TTK: variants seen among roughly 807,000 people sequenced by gnomAD.
TTK encodes dual specificity protein kinase TTK.
In TTK, 59 loss-of-function variants were observed where a neutral mutation model predicts 117.3. The observed-to-expected ratio is 0.50, with a 90% confidence interval of 0.41 to 0.62. The LOEUF is 0.62. TTK is among the 20% of genes least tolerant of loss of function. TTK has a pLI of 0.00. For synonymous variants in TTK, 302 were observed against 325.0 expected (o/e 0.93, Z 0.76); for missense variants, 921 against 989.4 (o/e 0.93, Z 0.93).
chr6:80,005,754 T>C, intron 1 of TTK, 88 bp from the exon 2 acceptor site: 3 of 1,466,232 alleles, frequency 2.0e-6, no homozygotes, highest in Non-Finnish European at 2.8e-6. Flanking sequence ...AACGAATGCT[T>C]TAGTCGTCTG....
chr6:80,030,321 G>A (rs570243170), intron 13 of TTK, among the ~76,000 whole-genome samples: 45 of 152,294 alleles, frequency 3.0e-4, no homozygotes, highest in African/African-American at 1.0e-3. Flanking sequence ...ATAAGGGAAG[G>A]AATGATGGGG....
At chr6:80,041,787 T>G (rs1768054629) in intron 21 of TTK, among the ~76,000 whole-genome samples, 1 of 151,362 alleles carries the variant, frequency 6.6e-6, no homozygotes, top group Non-Finnish European at 1.5e-5. Flanking sequence ...ATAAATATAT[T>G]TTGTATAGGA....
At chr6:80,008,277 C>A in intron 3 of TTK, 109 bp from the exon 4 acceptor site, 1 of 1,137,076 alleles carries the variant, frequency 8.8e-7, no homozygotes, top group South Asian at 1.5e-5. Context: ...TAATTTTACC[C>A]ACAGAAAAAA....
chr6:80,013,328 C>A lies in TTK; in HGVS notation c.946C>A (p.Pro316Thr). ...CRDLVVPGSK[P>T]SGNDSCELRN... ...AGATTTGGTTGTGCCTGGATCTAAACCAAGTGGAAATGATTCCTGTGAATT... is the reference window on the plus strand; with the variant it reads ...AGATTTGGTTGTGCCTGGATCTAAAACAAGTGGAAATGATTCCTGTGAATT... The change falls in exon 9 of 22, where the codon CCA (proline) becomes ACA (threonine). Residue 316 changes from proline to threonine, a missense_variant. Pro to Thr is a conservative substitution (Grantham distance 38). Transcript: ENST00000369798. 1.2e-6 allele frequency: 2 copies of A among 1,601,768 alleles called. No homozygotes were observed. The highest frequency in any genetic ancestry group is 2.3e-5 in the East Asian group (1 of 44,310).
chr6:80,008,598 C>T (rs570964989), intron 4 of TTK, 106 bp downstream of exon 4: 308 of 996,198 alleles, frequency 3.1e-4, no homozygotes, highest in Middle Eastern at 9.5e-4. Flanking sequence ...AGGCAAAAGA[C>T]ATTAAAGTTG....
rs539220898 is a variant in TTK, at chr6:80,006,033, A to G, written c.139+51A>G. ...AGTAACTGTTTGTTGGGTATCCTCT[A>G]AGGTAAAGATATAGTACTAATCACT... On this transcript the variant is annotated intron_variant, in intron 2 of 21. Coordinates refer to ENST00000369798, the MANE Select transcript of TTK (RefSeq NM_003318.5). 61 of 1,574,648 alleles carry G rather than the reference A, an allele frequency of 3.9e-5. No homozygotes were observed. In the East Asian group the frequency reaches 1.2e-3, roughly 31 times the overall value.
intron 4 of TTK, among the ~76,000 whole-genome samples, chr6:80,009,887 A>G (rs561328314): frequency 6.6e-6 from 1 of 152,074 alleles, no homozygotes; most frequent in Non-Finnish European, 1.5e-5. Context: ...CTCTGATCTC[A>G]ATACTAAGCT....
At position 80,005,945 on chromosome 6, in the gene TTK, T is replaced by G. The variant is rs751483992; in HGVS notation, c.102T>G (p.Asp34Glu). The change falls in exon 2 of 22, where the codon GAT (aspartate) becomes GAG (glutamate). Residue 34 changes from aspartate (D) to glutamate (E), a missense_variant. By Grantham distance (45) the Asp-to-Glu change is conservative. Coordinates refer to ENST00000369798, the MANE Select transcript of TTK (RefSeq NM_003318.5). ...AGTTTAAAAATGAAGACCTTACTGATGAACTAAGCTTGAATAAAATTTCTG... is the reference window on the plus strand; with the variant it reads ...AGTTTAAAAATGAAGACCTTACTGAGGAACTAAGCTTGAATAAAATTTCTG... ...KNKFKNEDLTDELSLNKISAD... is the reference protein window; with the variant it reads ...KNKFKNEDLTEELSLNKISAD... 3 of 1,609,034 alleles carry G rather than the reference T, an allele frequency of 1.9e-6. No individual in the cohort carries two copies. The highest frequency in any genetic ancestry group is 2.5e-6 in the Non-Finnish European group (3 of 1,178,834).
intron 13 of TTK, among the ~76,000 whole-genome samples, chr6:80,028,362 A>G (rs1582105770): frequency 6.6e-6 from 1 of 151,374 alleles, no homozygotes; most frequent in Non-Finnish European, 1.5e-5. Flanking sequence ...CTATTGCCCA[A>G]GCTGGAGTGC....
Position 80,031,662 on chromosome 6 carries a change from C to T in TTK, c.1614+103C>T, listed in dbSNP as rs1011444646. 36 of 798,312 alleles carry T rather than the reference C, an allele frequency of 4.5e-5. No homozygotes were observed. The highest frequency in any genetic ancestry group is 7.4e-5 in the African/African-American group (4 of 54,016). 49.5% of individuals were successfully genotyped at this position (798,312 alleles called of 1,614,324 possible). On this transcript the variant is annotated intron_variant, in intron 14 of 21. Transcript: ENST00000369798. Reference sequence around the variant, plus strand: ...GCTGCTTTTCCTTTACTTCTAGGGGCGATGCTGCCCTTGAGCCAAAAAGCC... The same window carrying T: ...GCTGCTTTTCCTTTACTTCTAGGGGTGATGCTGCCCTTGAGCCAAAAAGCC...
At chr6:80,035,230 T>C in intron 15 of TTK, 36 bp from the exon 16 acceptor site, 1 of 1,557,734 alleles carries the variant, frequency 6.4e-7, no homozygotes, top group South Asian at 1.2e-5. Flanking sequence ...AACCTAGCCA[T>C]TTATTGTTTT....
chr6:80,021,742 G>A (rs975086281), intron 10 of TTK, among the ~76,000 whole-genome samples: 3 of 152,186 alleles, frequency 2.0e-5, no homozygotes, highest in East Asian at 3.9e-4. Flanking sequence ...GTAATGCTAG[G>A]CTAACTGTTC....
In TTK at chr6:80,014,538, A is replaced by G. The variant is rs1454964783; in HGVS notation, c.1060A>G (p.Ile354Val). Residue 354 changes from isoleucine (I) to valine (V), a missense_variant, in exon 10 of 22, where the codon ATA (isoleucine) becomes GTA (valine). Transcript: ENST00000369798. The part of the protein sequence containing the change: ...KSSELIITDS[I>V]TLKNKTESSL... The stretch of plus-strand genomic sequence containing the variant: ...TTCTGAACTTATTATTACTGATTCA[A>G]TAACCCTGAAGAATAAAACGGAATC... 1.1e-5 allele frequency: 18 copies of G among 1,608,884 alleles called. No individual in the cohort carries two copies. Among genetic ancestry groups the G allele is most frequent in the Middle Eastern group, 1.7e-4 (1 of 6,040 alleles).
chr6:80,010,777 A>G (rs1767122722), intron 4 of TTK, 37 bp from the exon 5 acceptor site: 2 of 1,017,774 alleles, frequency 2.0e-6, no homozygotes, highest in Admixed American at 2.6e-5. Flanking sequence ...TGGGCATTTT[A>G]CTGCCTAAAA....
In TTK at chr6:80,014,598, A is replaced by G; in HGVS notation, c.1108+12A>G. ...AGCTAAATTAGAAGGTAAGAGTAAC[A>G]AAATCAGTAGACTTGTATGTTTAGT... On this transcript the variant is annotated intron_variant, in intron 10 of 21. Coordinates refer to ENST00000369798, the MANE Select transcript of TTK (RefSeq NM_003318.5). The G allele has an allele frequency of 1.3e-6, 2 of 1,585,154 alleles. No homozygotes were observed. Among genetic ancestry groups the G allele is most frequent in the African/African-American group, 1.4e-5 (1 of 73,406 alleles).
intron 3 of TTK, 30 bp from the exon 4 acceptor site, chr6:80,008,356 T>C: frequency 2.5e-6 from 4 of 1,591,206 alleles, no homozygotes; most frequent in Non-Finnish European, 3.4e-6. Flanking sequence ...GTTCTTTTTC[T>C]TAAATTTTGA....
chr6:80,030,298 G>C (rs1401307137), intron 13 of TTK, among the ~76,000 whole-genome samples: 1 of 152,182 alleles, frequency 6.6e-6, no homozygotes, highest in Non-Finnish European at 1.5e-5. Flanking sequence ...GGTACACAGA[G>C]AGATCCTCCA....
intron 14 of TTK, among the ~76,000 whole-genome samples, chr6:80,034,710 G>A (rs1214501749): frequency 6.6e-6 from 1 of 152,032 alleles, no homozygotes; most frequent in Non-Finnish European, 1.5e-5. Context: ...TATATCTGAA[G>A]TTTAAACTTT....
In TTK at chr6:80,021,312, C is replaced by T. The variant is rs150150554; in HGVS notation, c.1109-1012C>T. 5.9e-5 allele frequency among the ~76,000 whole-genome samples: 9 copies of T among 152,340 alleles called. No individual in the cohort carries two copies. The East Asian group carries it at 1.5e-3, about 26-fold the overall frequency. ...AGCAGCTGGCATTTGCAAGTGGCTC[C>T]TGCGTTGGCCTGGTAGCCTGAGTGG... On this transcript the variant is annotated intron_variant, in intron 10 of 21. Coordinates refer to ENST00000369798, the MANE Select transcript of TTK (RefSeq NM_003318.5).
Sources: allele counts gnomAD v4.1 joint callset (sites outside exome capture counted in the v4.1 genomes callset), GRCh38; gene constraint gnomAD v4.1.1; transcripts MANE v1.5; gene names NCBI Gene and HGNC (gene_info 2026-07-23, HGNC 2026-07-21).